The following LRMDA variants were observed in gnomAD, a reference collection of about 807,000 sequenced individuals.
LRMDA encodes the protein leucine-rich melanocyte differentiation-associated protein.
In LRMDA, 18 loss-of-function variants were observed where a neutral mutation model predicts 29.8. The ratio of observed to expected loss-of-function variants is 0.60; its 90% CI spans 0.42 to 0.90. The LOEUF (loss-of-function observed/expected upper bound fraction) is 0.90, where lower values mean the gene tolerates loss of function less well. Among genes scored for constraint, LRMDA ranks in the 40% least tolerant of loss-of-function variants. The pLI, the probability that LRMDA is intolerant of heterozygous loss-of-function variation, is 0.00. For missense variants in LRMDA, 273 were observed against 273.9 expected, an observed-to-expected ratio of 1.00 and a Z score of 0.02; for synonymous variants, 125 against 109.4, an observed-to-expected ratio of 1.14 and a Z score of -0.89.
intron 2 of LRMDA, among the ~76,000 whole-genome samples, chr10:75,921,444 G>T (rs983474863): frequency 6.6e-6 from 1 of 152,168 alleles, no homozygotes; most frequent in Non-Finnish European, 1.5e-5. Flanking sequence ...GATGTGTAGG[G>T]CTAATTAGCC....
intron 2 of LRMDA, among the ~76,000 whole-genome samples, chr10:75,620,886 T>C (rs1340674218): frequency 1.3e-5 from 2 of 152,228 alleles, no homozygotes; most frequent in Admixed American, 6.5e-5. Context: ...TGGTGTTTTG[T>C]TACATGAATA....
chr10:75,444,424 T>A (rs993755182), intron 2 of LRMDA, among the ~76,000 whole-genome samples: 5 of 152,224 alleles, frequency 3.3e-5, no homozygotes, highest in Non-Finnish European at 5.9e-5. Context: ...GTTCCTCTTT[T>A]CTGCTTTTTC....
At chr10:76,426,751 C>A (rs1163071652) in intron 6 of LRMDA, among the ~76,000 whole-genome samples, 1 of 152,162 alleles carries the variant, frequency 6.6e-6, no homozygotes, top group Non-Finnish European at 1.5e-5. Flanking sequence ...ACATTTAAGT[C>A]TTTAATCCAT....
chr10:75,495,157 A>C (rs970523265), intron 2 of LRMDA, among the ~76,000 whole-genome samples: 2 of 152,130 alleles, frequency 1.3e-5, no homozygotes, highest in African/African-American at 4.8e-5. Flanking sequence ...AGAAGGGGAG[A>C]ATGGATATTG....
chr10:76,379,919 A>C (rs977012869), intron 6 of LRMDA, among the ~76,000 whole-genome samples: 9 of 152,148 alleles, frequency 5.9e-5, no homozygotes, highest in African/African-American at 2.2e-4. Flanking sequence ...CACTGTTTTC[A>C]TTTGTTTCAA....
At chr10:76,385,903 C>T (rs1285264848) in intron 6 of LRMDA, among the ~76,000 whole-genome samples, 1 of 152,132 alleles carries the variant, frequency 6.6e-6, no homozygotes, top group East Asian at 1.9e-4. Flanking sequence ...ATAGTAAATG[C>T]TCAATAAATA....
At chr10:75,656,070 A>G (rs1168777676) in intron 2 of LRMDA, among the ~76,000 whole-genome samples, 1 of 152,094 alleles carries the variant, frequency 6.6e-6, no homozygotes, top group Non-Finnish European at 1.5e-5. Flanking sequence ...TGCATATCTT[A>G]TATTTTTAGT....
At chr10:75,876,425 GAGA>G (rs1460013132) in intron 2 of LRMDA, among the ~76,000 whole-genome samples, 2 of 152,156 alleles carry the variant, frequency 1.3e-5, no homozygotes, top group South Asian at 2.1e-4. Context: ...GAGACAGAAA[GAGA>G]AGGAGAGAGG....
At chr10:76,182,229 G>A (rs1026232676) in intron 5 of LRMDA, among the ~76,000 whole-genome samples, 3 of 152,124 alleles carry the variant, frequency 2.0e-5, no homozygotes, top group Admixed American at 6.5e-5. Context: ...CATGGTGGCA[G>A]GATAGAGAGA....
At chr10:75,834,531 T>C (rs1844400795) in intron 2 of LRMDA, among the ~76,000 whole-genome samples, 1 of 152,156 alleles carries the variant, frequency 6.6e-6, no homozygotes, top group Non-Finnish European at 1.5e-5. Flanking sequence ...TAACATCCCT[T>C]CCCTCCACTT....
At chr10:76,494,780 A>G (rs538224698) in intron 6 of LRMDA, among the ~76,000 whole-genome samples, 22 of 151,916 alleles carry the variant, frequency 1.4e-4, no homozygotes, top group South Asian at 8.3e-4. Context: ...GTTGCATCCC[A>G]CAATTTTGGT....
intron 6 of LRMDA, among the ~76,000 whole-genome samples, chr10:76,511,486 A>C (rs1223877660): frequency 6.6e-6 from 1 of 152,160 alleles, no homozygotes; most frequent in African/African-American, 2.4e-5. Context: ...GAAAATTCCA[A>C]GGAAACCACT....
At chr10:75,942,477 T>C (rs1170142774) in intron 2 of LRMDA, among the ~76,000 whole-genome samples, 1 of 152,202 alleles carries the variant, frequency 6.6e-6, no homozygotes, top group East Asian at 1.9e-4. Flanking sequence ...CTAATCCTCA[T>C]GAAGCTGGTG....
intron 5 of LRMDA, among the ~76,000 whole-genome samples, chr10:76,187,009 A>G (rs918215218): frequency 4.6e-5 from 7 of 152,194 alleles, no homozygotes; most frequent in African/African-American, 1.4e-4. Flanking sequence ...AGTTATTTAC[A>G]AACTTCCTAT....
chr10:76,006,188 G>C (rs1847652904), intron 2 of LRMDA, among the ~76,000 whole-genome samples: 1 of 152,124 alleles, frequency 6.6e-6, no homozygotes, highest in South Asian at 2.1e-4. Flanking sequence ...TATCTTCCTG[G>C]AGTGTCCACC....
intron 6 of LRMDA, among the ~76,000 whole-genome samples, chr10:76,325,391 A>G (rs1840821714): frequency 1.3e-5 from 2 of 152,224 alleles, no homozygotes; most frequent in South Asian, 4.1e-4. Context: ...TTTGGGCATC[A>G]ATAGAACTTT....
Position 76,324,386 on chromosome 10 carries a change from G to A in LRMDA, c.517-15G>A. 2 of 1,613,526 alleles carry A rather than the reference G, an allele frequency of 1.2e-6. No individual in the cohort carries two copies. Among genetic ancestry groups the A allele is most frequent in the Non-Finnish European group, 1.7e-6 (2 of 1,179,456 alleles). On this transcript the variant is annotated splice_polypyrimidine_tract_variant and intron_variant, in intron 5 of 6. Transcript: ENST00000611255. ...TTTGGTGTTGCTTCATGTTGACTTT[G>A]CTTTTGTCACACAGGCTTCTAGTGA... is the stretch of plus-strand genomic sequence containing the variant.
intron 6 of LRMDA, among the ~76,000 whole-genome samples, chr10:76,394,353 C>T (rs1841758427): frequency 6.6e-6 from 1 of 152,152 alleles, no homozygotes; most frequent in South Asian, 2.1e-4. Context: ...CTGTATTACT[C>T]TCATCTTTCT....
intron 5 of LRMDA, among the ~76,000 whole-genome samples, chr10:76,247,280 T>G (rs1321287297): frequency 6.6e-6 from 1 of 152,210 alleles, no homozygotes; most frequent in Non-Finnish European, 1.5e-5. Context: ...AAGCTGGATT[T>G]TTCTGTCTTT....
Sources: gnomAD v4.1 joint callset for allele counts (sites outside exome capture counted in the v4.1 genomes callset) on GRCh38, gnomAD v4.1.1 for gene constraint, MANE v1.5 for transcripts, NCBI Gene and HGNC (gene_info 2026-07-23, HGNC 2026-07-21) for gene names.